The following PPP1R1C variants were observed in gnomAD, a reference collection of about 807,000 sequenced individuals.
PPP1R1C encodes protein phosphatase 1 regulatory subunit 1C.
Under a neutral mutation model 17.4 loss-of-function variants are expected in PPP1R1C, and 15 were observed. The ratio of observed to expected loss-of-function variants is 0.86; its 90% confidence interval spans 0.58 to 1.33. The LOEUF is 1.33. PPP1R1C is among the 40% of genes most tolerant of loss of function. The pLI is 0.00. For synonymous variants in PPP1R1C, 35 were observed against 43.1 expected, an observed-to-expected ratio of 0.81 and a Z score of 0.73; for missense variants, 143 against 130.0, an observed-to-expected ratio of 1.10 and a Z score of -0.48.
At chr2:182,120,549 CTT>C (rs1689710038), downstream of PPP1R1C, among the ~76,000 whole-genome samples, 1 of 152,138 alleles carries the variant, frequency 6.6e-6, no homozygotes, top group Admixed American at 6.6e-5. Flanking sequence ...TGCTATGACT[CTT>C]TGTTTATTTC....
upstream of PPP1R1C, among the ~76,000 whole-genome samples, chr2:181,984,447 G>A (rs559142921): frequency 3.2e-4 from 49 of 152,242 alleles, no homozygotes; most frequent in African/African-American, 1.1e-3. Context: ...TATCAATTTA[G>A]ATTTTATTTC....
Position 181,976,440 on chromosome 2 carries a change from T to G in PPP1R1C, n.157+1176T>G, listed in dbSNP as rs910472357. Among the ~76,000 whole-genome samples the G allele has an allele frequency of 2.0e-5, 3 of 152,186 alleles. No homozygotes were observed. The highest frequency in any genetic ancestry group is 2.9e-5 in the Non-Finnish European group (2 of 68,030). On this transcript the variant is annotated intron_variant and non_coding_transcript_variant, in intron 2 of 5. Coordinates refer to the PPP1R1C transcript ENST00000464264. This position sits in a 1 kb window ranked among gnomAD's most constrained non-coding sequence, Gnocchi z 4.8. ...TCTTCCATTGTATTACCAAACTATT[T>G]AAAATGTGAAGAATTTTGCAAATGG...
At chr2:182,086,042 TTAAAA>T (rs1218053807) in intron 4 of PPP1R1C, among the ~76,000 whole-genome samples, 2 of 152,088 alleles carry the variant, frequency 1.3e-5, no homozygotes, top group Non-Finnish European at 2.9e-5. Context: ...CAAAATGTGT[TTAAAA>T]TATAAGTGCA....
chr2:182,071,824 C>G (rs1200951149), intron 4 of PPP1R1C, among the ~76,000 whole-genome samples: 2 of 152,100 alleles, frequency 1.3e-5, no homozygotes, highest in Non-Finnish European at 2.9e-5. Context: ...CCTTTGGGAA[C>G]TTTTTCCATT....
chr2:182,051,963 G>A (rs144846290), intron 2 of PPP1R1C, among the ~76,000 whole-genome samples: 7 of 151,158 alleles, frequency 4.6e-5, no homozygotes, highest in East Asian at 3.9e-4. Flanking sequence ...AGATCGCGCC[G>A]TTGCACTCCA....
intron 2 of PPP1R1C, among the ~76,000 whole-genome samples, chr2:182,007,169 T>G (rs1044948831): frequency 1.3e-5 from 2 of 152,176 alleles, no homozygotes; most frequent in African/African-American, 4.8e-5. Context: ...AGAAGTTTGA[T>G]AAGATGACAT....
upstream of PPP1R1C, chr2:181,985,804 T>A (rs1685280684): frequency 2.5e-6 from 1 of 395,848 alleles, no homozygotes; most frequent in African/African-American, 2.0e-5. The surrounding 1 kb of genome is among the most constrained non-coding windows in gnomAD (Gnocchi z 4.1). Context: ...AATTAGCTGC[T>A]GAGTGAATGC....
chr2:182,100,238 G>A (rs928654131), intron 4 of PPP1R1C, among the ~76,000 whole-genome samples: 2 of 152,058 alleles, frequency 1.3e-5, no homozygotes, highest in South Asian at 2.1e-4. Context: ...GAGGCTGGGC[G>A]TAGTGGCTCA....
At chr2:182,112,408 A>T (rs1250555385) in intron 4 of PPP1R1C, among the ~76,000 whole-genome samples, 1 of 152,188 alleles carries the variant, frequency 6.6e-6, no homozygotes, top group Non-Finnish European at 1.5e-5. Context: ...TAACAAAAGG[A>T]TTGAAAAGTT....
intron 4 of PPP1R1C, among the ~76,000 whole-genome samples, chr2:182,094,739 C>T (rs1441068364): frequency 1.3e-5 from 2 of 152,136 alleles, no homozygotes; most frequent in Non-Finnish European, 1.5e-5. Context: ...AAAATCAGAC[C>T]TTGCGATGAC....
At chr2:182,080,388 C>T (rs1005454488) in intron 4 of PPP1R1C, among the ~76,000 whole-genome samples, 16 of 152,216 alleles carry the variant, frequency 1.1e-4, no homozygotes, top group East Asian at 7.7e-4. Context: ...TCATTTATAA[C>T]GACTTCGTCT....
At chr2:181,983,450 A>G (rs991160018), upstream of PPP1R1C, among the ~76,000 whole-genome samples, 4 of 152,196 alleles carry the variant, frequency 2.6e-5, no homozygotes, top group African/African-American at 9.7e-5. Flanking sequence ...AGGGTTAATT[A>G]TTACTCTTGT....
intron 4 of PPP1R1C, among the ~76,000 whole-genome samples, chr2:182,113,264 C>G (rs1224836443): frequency 6.6e-6 from 1 of 152,144 alleles, no homozygotes; most frequent in Non-Finnish European, 1.5e-5. Flanking sequence ...GCCATTGACT[C>G]TATTTCTGCT....
intron 4 of PPP1R1C, among the ~76,000 whole-genome samples, chr2:182,090,289 CTG>C (rs142618201): frequency 6.8e-4 from 99 of 145,402 alleles, no homozygotes; most frequent in South Asian, 3.4e-3. Context: ...ACTATAAATT[CTG>C]TGTGTGTGTG....
At chr2:181,956,602 A>G (rs978122800) in intron 1 of PPP1R1C, among the ~76,000 whole-genome samples, 4 of 152,128 alleles carry the variant, frequency 2.6e-5, no homozygotes, top group African/African-American at 4.8e-5. Flanking sequence ...CTGGTGTGAG[A>G]TGGTATCTCC....
chr2:182,044,853 C>T (rs929346718), intron 2 of PPP1R1C, among the ~76,000 whole-genome samples: 7 of 152,308 alleles, frequency 4.6e-5, no homozygotes, highest in African/African-American at 1.7e-4. Context: ...AGGCGTTAAT[C>T]TACAAACTGC....
At chr2:182,082,626 A>G (rs959773480) in intron 4 of PPP1R1C, among the ~76,000 whole-genome samples, 3 of 152,206 alleles carry the variant, frequency 2.0e-5, no homozygotes, top group African/African-American at 7.2e-5. Flanking sequence ...CATAGACTCA[A>G]TAAGTACTGA....
intron 2 of PPP1R1C, among the ~76,000 whole-genome samples, chr2:182,043,087 A>G (rs191254718): frequency 2.0e-5 from 3 of 152,358 alleles, no homozygotes; most frequent in Admixed American, 6.5e-5. Context: ...TAATGGCCAA[A>G]CATTAGAAAA....
upstream of PPP1R1C, among the ~76,000 whole-genome samples, chr2:181,983,327 C>T (rs570013500): frequency 2.0e-5 from 3 of 152,102 alleles, no homozygotes; most frequent in South Asian, 2.1e-4. Context: ...CTCTGACTCC[C>T]GATTACCTAA....
Sources: allele counts gnomAD v4.1 joint callset (sites outside exome capture counted in the v4.1 genomes callset), GRCh38; gene constraint gnomAD v4.1.1; non-coding constraint Gnocchi (gnomAD v3.1); transcripts MANE v1.5; gene names NCBI Gene and HGNC (gene_info 2026-07-23, HGNC 2026-07-21).